PNKD: variants seen among roughly 807,000 people sequenced by gnomAD.
The protein encoded by PNKD is PNKD metallo-beta-lactamase domain containing.
PNKD carries 36 observed loss-of-function variants against 45.3 expected under a neutral mutation model. The observed-to-expected ratio is 0.80, with a 90% CI of 0.61 to 1.05. The LOEUF is 1.05. Among genes scored for constraint, PNKD ranks in the 50% least tolerant of loss-of-function variants. The pLI is 0.00. For synonymous variants in PNKD, 197 were observed against 210.1 expected, an observed-to-expected ratio of 0.94 and a Z score of 0.54; for missense variants, 511 against 506.6, an observed-to-expected ratio of 1.01 and a Z score of -0.08.
chr2:218,272,645 G>A (rs746004925), intron 2 of PNKD: 22 of 1,614,088 alleles, frequency 1.4e-5, no homozygotes, highest in Non-Finnish European at 1.2e-5. Context: ...GTGTGAAGCA[G>A]ATGAAGGCTC....
At chr2:218,330,613 G>C (rs530149943) in intron 2 of PNKD, among the ~76,000 whole-genome samples, 1 of 152,210 alleles carries the variant, frequency 6.6e-6, no homozygotes, top group Non-Finnish European at 1.5e-5. Context: ...CTTGCAGAAT[G>C]GTTTTTCTGC....
At chr2:218,277,253 G>A (rs1414612462) in intron 2 of PNKD, 2 of 1,174,638 alleles carry the variant, frequency 1.7e-6, no homozygotes, top group Non-Finnish European at 2.6e-6. Flanking sequence ...TTTTGTAGGT[G>A]CGGATGAGGA....
intron 2 of PNKD, among the ~76,000 whole-genome samples, chr2:218,324,853 T>G (rs1694097802): frequency 6.6e-6 from 1 of 151,392 alleles, no homozygotes; most frequent in Non-Finnish European, 1.5e-5. Context: ...GAAAATTGCT[T>G]GAAGCCGGGA....
At chr2:218,273,032 CAG>C in intron 2 of PNKD, 1 of 980,968 alleles carries the variant, frequency 1.0e-6, no homozygotes, top group Non-Finnish European at 1.4e-6. Flanking sequence ...TCACAGAGCT[CAG>C]TGTTCCCAGC....
intron 2 of PNKD, among the ~76,000 whole-genome samples, chr2:218,288,305 T>A (rs2106234740): frequency 6.6e-6 from 1 of 152,304 alleles, no homozygotes; most frequent in East Asian, 1.9e-4. Context: ...GGCGGACGCC[T>A]GTAGTCCCAG....
chr2:218,281,623 G>A (rs757555933), intron 2 of PNKD, among the ~76,000 whole-genome samples: 3 of 152,202 alleles, frequency 2.0e-5, no homozygotes, highest in Non-Finnish European at 4.4e-5. Flanking sequence ...CCGCTTGTTG[G>A]GAAACAGAGC....
At chr2:218,312,004 G>A (rs983248277) in intron 2 of PNKD, among the ~76,000 whole-genome samples, 25 of 152,354 alleles carry the variant, frequency 1.6e-4, no homozygotes, top group African/African-American at 5.8e-4. Flanking sequence ...CATACTGCCT[G>A]CAAACATATT....
intron 2 of PNKD, among the ~76,000 whole-genome samples, chr2:218,294,386 T>A (rs755673029): frequency 1.3e-5 from 2 of 152,158 alleles, no homozygotes; most frequent in Non-Finnish European, 2.9e-5. Context: ...AAACGCAACA[T>A]CAAGGCACCA....
intron 2 of PNKD, among the ~76,000 whole-genome samples, chr2:218,302,619 G>A (rs1308440412): frequency 6.6e-6 from 1 of 152,188 alleles, no homozygotes; most frequent in Non-Finnish European, 1.5e-5. Context: ...GAGGTGGCAG[G>A]GGCCAGGTCT....
At position 218,340,794 on chromosome 2, in the gene PNKD, G is replaced by T. The variant is rs1464064363; in HGVS notation, c.524+8G>T. On this transcript the variant is annotated splice_region_variant and intron_variant, in intron 5 of 9. Coordinates refer to ENST00000273077, the MANE Select transcript of PNKD (RefSeq NM_015488.5). The surrounding 1 kb of genome is among the most constrained non-coding windows in gnomAD (Gnocchi z 4.2). ...GTGTACTCACAAGCACTGGTAAGGGGCTCCCGTCTTCCCTGGCCCACCCTT... is the reference window on the plus strand; with the variant it reads ...GTGTACTCACAAGCACTGGTAAGGGTCTCCCGTCTTCCCTGGCCCACCCTT... 2 of 1,612,296 alleles carry T rather than the reference G, an allele frequency of 1.2e-6. No individual in the cohort carries two copies. Among genetic ancestry groups the T allele is most frequent in the Non-Finnish European group, 1.7e-6 (2 of 1,178,318 alleles).
intron 2 of PNKD, among the ~76,000 whole-genome samples, chr2:218,315,124 T>TTCCTTC (rs1559521468): frequency 1.4e-4 from 16 of 113,354 alleles, no homozygotes; most frequent in African/African-American, 6.5e-4. Context: ...TTCCTTCCTT[T>TTCCTTC]CTTTCTTTCT....
In PNKD at chr2:218,271,426, C is replaced by A; in HGVS notation, c.113C>A (p.Thr38Asn). ...GCTAACAAGGCTTCTCATAACAGGA[C>A]CCGGGCCCTGCAAAGCCACAGCTCC... ...ATANKASHNRTRALQSHSSPE... is the reference protein window; with the variant it reads ...ATANKASHNRNRALQSHSSPE... Residue 38 changes from threonine (T) to asparagine (N), a missense_variant, in exon 2 of 10, where the codon ACC becomes AAC. Physicochemically the swap from Thr to Asn is moderately conservative, Grantham distance 65. Transcript: ENST00000273077. 6.2e-7 allele frequency: 1 copy of A among 1,614,092 alleles called. No homozygotes were observed. The highest frequency in any genetic ancestry group is 1.1e-5 in the South Asian group (1 of 91,080).
chr2:218,282,284 A>C, intron 2 of PNKD: 1 of 640,142 alleles, frequency 1.6e-6, no homozygotes, highest in Non-Finnish European at 2.5e-6. Flanking sequence ...CGTGGAGAGG[A>C]ACACCACCTA....
intron 5 of PNKD, 60 bp from the exon 6 acceptor site, chr2:218,341,474 G>A: frequency 8.8e-7 from 1 of 1,137,110 alleles, no homozygotes; most frequent in Non-Finnish European, 1.3e-6. Context: ...CTGTGGTAAA[G>A]AAGGGGGCTT....
In PNKD at chr2:218,303,430, C is replaced by T. The variant is rs58147471; in HGVS notation, c.236+31881C>T. ...GTATTTTAGGAGAATCACCCTGGCT[C>T]TGAGCGGTGAATGGGTTGAGGGAAT... On this transcript the variant is annotated intron_variant, in intron 2 of 9. Coordinates refer to ENST00000273077, the MANE Select transcript of PNKD (RefSeq NM_015488.5). 2.0e-3 allele frequency among the ~76,000 whole-genome samples: 308 copies of T among 152,106 alleles called. 1 individual carries two copies. Among genetic ancestry groups the T allele is most frequent in the Non-Finnish European group, 3.4e-3 (233 of 68,000 alleles).
intron 2 of PNKD, among the ~76,000 whole-genome samples, chr2:218,337,599 G>A (rs1338835483): frequency 6.6e-6 from 1 of 152,194 alleles, no homozygotes; most frequent in Non-Finnish European, 1.5e-5. Context: ...CTTGAAGCAC[G>A]TTCTAGTTTG....
At chr2:218,274,773 A>C (rs1038222374) in intron 2 of PNKD, 15 of 154,836 alleles carry the variant, frequency 9.7e-5, no homozygotes, top group African/African-American at 3.6e-4. Flanking sequence ...GCTCTGTCTT[A>C]TAGCGTCACA....
chr2:218,282,152 G>A (rs373200784), intron 2 of PNKD: 29 of 1,470,778 alleles, frequency 2.0e-5, no homozygotes, highest in Admixed American at 5.4e-5. Context: ...GGCTGCTCAC[G>A]GGCTGAGGGG....
At chr2:218,334,527 C>T (rs1694432671) in intron 2 of PNKD, among the ~76,000 whole-genome samples, 1 of 152,170 alleles carries the variant, frequency 6.6e-6, no homozygotes, top group South Asian at 2.1e-4. Context: ...GTGGCACGCA[C>T]CTGTAGTCCC....
Sources: gnomAD v4.1 joint callset for allele counts (sites outside exome capture counted in the v4.1 genomes callset) on GRCh38, gnomAD v4.1.1 for gene constraint, Gnocchi (gnomAD v3.1) non-coding constraint, MANE v1.5 for transcripts, NCBI Gene and HGNC (gene_info 2026-07-23, HGNC 2026-07-21) for gene names.